SMAD1: variants seen among roughly 807,000 people sequenced by gnomAD.
The protein encoded by SMAD1 is MAD, mothers against decapentaplegic homolog 1.
In SMAD1, 6 loss-of-function variants were observed where a neutral mutation model predicts 41.6. That is an observed-to-expected ratio of 0.14 (90% CI 0.08 to 0.28). The LOEUF (loss-of-function observed/expected upper bound fraction) is 0.28, where lower values mean the gene tolerates loss of function less well. Ranked by LOEUF, SMAD1 falls within the 10% of genes least tolerant of loss-of-function variation. The pLI, the probability that SMAD1 is intolerant of heterozygous loss-of-function variation, is 1.00. For synonymous variants in SMAD1, 206 were observed against 203.2 expected, an observed-to-expected ratio of 1.01 and a Z score of -0.12; for missense variants, 379 against 582.6, an observed-to-expected ratio of 0.65 and a Z score of 3.60.
Position 145,488,772 on chromosome 4 carries a change from T to A in SMAD1, c.-177+6734T>A, listed in dbSNP as rs191448677. ...TTGCTGCAGTATTGTAATAAGTATA[T>A]GCTTCATTTATTCCCTGAATATTTA... On this transcript the variant is annotated intron_variant, in intron 1 of 6. Transcript: ENST00000302085. Among the ~76,000 whole-genome samples the A allele has an allele frequency of 7.2e-4, 109 of 152,338 alleles. No homozygotes were observed. The Middle Eastern group carries it at 0.014, about 19-fold the overall frequency.
upstream of SMAD1, chr4:145,481,840 C>A (rs1728190378): frequency 6.1e-6 from 1 of 163,076 alleles, no homozygotes; most frequent in South Asian, 1.6e-4. Flanking sequence ...GACTCCCTGA[C>A]GCCAGCGCGA....
intron 2 of SMAD1, among the ~76,000 whole-genome samples, chr4:145,533,253 G>A (rs192610398): frequency 1.6e-4 from 25 of 152,252 alleles, no homozygotes; most frequent in Admixed American, 1.2e-3. Flanking sequence ...ATTAGTCATC[G>A]CTTATAGTTA....
At position 145,482,142 on chromosome 4, in the gene SMAD1, CG is replaced by C. The variant is rs1411171373; in HGVS notation, c.-177+105del. 2 of 149,846 alleles carry C rather than the reference CG, an allele frequency of 1.3e-5. No homozygotes were observed. Among genetic ancestry groups the C allele is most frequent in the Non-Finnish European group, 3.0e-5 (2 of 67,332 alleles). The allele number at this position is 149,846 out of a possible 1,614,324, so 9.3% of individuals were successfully genotyped here. On this transcript the variant is annotated intron_variant, in intron 1 of 6. Transcript: ENST00000302085. The surrounding 1 kb of genome is among the most constrained non-coding windows in gnomAD (Gnocchi z 4.2). ...GCGCCGCCGCCGCCGTCTCTGCACG[CG>C]TGGGGCCGCCGCGGTCGTGCTGGGC...
intron 2 of SMAD1, among the ~76,000 whole-genome samples, chr4:145,539,081 T>G (rs902188517): frequency 1.6e-4 from 25 of 152,206 alleles, no homozygotes; most frequent in African/African-American, 5.3e-4. Context: ...GAGTTTTCAG[T>G]TAGCAAAATG....
chr4:145,547,260 C>T (rs1323558055), intron 5 of SMAD1, among the ~76,000 whole-genome samples: 1 of 151,874 alleles, frequency 6.6e-6, no homozygotes, highest in Non-Finnish European at 1.5e-5. Context: ...CAGTTAATTG[C>T]TTAATTGTAT....
At chr4:145,539,057 C>T (rs17020297) in intron 2 of SMAD1, among the ~76,000 whole-genome samples, 3,594 of 152,178 alleles carry the variant, frequency 0.024, 82 homozygotes, top group African/African-American at 0.056. Flanking sequence ...CCTATTGGGC[C>T]GCCTTTGTAC....
rs1488137783 is a variant in SMAD1, at chr4:145,558,685, C to A, written c.*751C>A. Among the ~76,000 whole-genome samples the A allele has an allele frequency of 7.7e-6, 1 of 129,682 alleles. No individual in the cohort carries two copies. The highest frequency in any genetic ancestry group is 1.6e-5 in the Non-Finnish European group (1 of 63,676). 85.1% of individuals were successfully genotyped at this position (129,682 alleles called of 152,430 possible). Reference sequence around the variant, plus strand: ...GTTGCTTTAAAGAAACAAACTGATACCTGAATTTTGCTGTGTTTCCATTTT... The same window carrying A: ...GTTGCTTTAAAGAAACAAACTGATAACTGAATTTTGCTGTGTTTCCATTTT... On this transcript the variant is annotated 3_prime_UTR_variant, in exon 7 of 7. Transcript: ENST00000302085.
chr4:145,525,144 A>T (rs534532847), intron 2 of SMAD1, among the ~76,000 whole-genome samples: 2 of 152,326 alleles, frequency 1.3e-5, no homozygotes, highest in African/African-American at 4.8e-5. Flanking sequence ...TCTCAGGCTG[A>T]TTAATTTGGT....
chr4:145,511,457 A>G (rs1730073134), intron 1 of SMAD1, among the ~76,000 whole-genome samples: 2 of 152,052 alleles, frequency 1.3e-5, no homozygotes, highest in Admixed American at 1.3e-4. Context: ...CTTTTTGTAG[A>G]GATAGGGTCT....
chr4:145,542,558 A>G (rs1228491138), intron 3 of SMAD1, 24 bp from the exon 4 acceptor site: 1 of 1,441,824 alleles, frequency 6.9e-7, no homozygotes, highest in South Asian at 1.2e-5. Context: ...GGGTTAAGAA[A>G]TAACTTCTTT....
intron 1 of SMAD1, chr4:145,484,497 A>T (rs1728364988): frequency 6.6e-6 from 1 of 152,402 alleles, no homozygotes; most frequent in Non-Finnish European, 1.5e-5. Context: ...GGGGTAGCTA[A>T]GCAGGAGTCT....
At chr4:145,495,012 G>A (rs936043254) in intron 1 of SMAD1, among the ~76,000 whole-genome samples, 3 of 152,174 alleles carry the variant, frequency 2.0e-5, no homozygotes, top group Non-Finnish European at 2.9e-5. Context: ...ATAGAAAGCT[G>A]TTGAGGCCTG....
intron 2 of SMAD1, among the ~76,000 whole-genome samples, chr4:145,516,460 T>C (rs1730395180): frequency 6.6e-6 from 1 of 152,190 alleles, no homozygotes; most frequent in Non-Finnish European, 1.5e-5. Flanking sequence ...TTTAGTGCAC[T>C]TTTAAGTTTC....
chr4:145,550,340 C>T (rs1477767264), intron 5 of SMAD1, among the ~76,000 whole-genome samples: 2 of 151,954 alleles, frequency 1.3e-5, no homozygotes, highest in Non-Finnish European at 2.9e-5. Context: ...TGGTGGAACC[C>T]GGGTCTCTAC....
At chr4:145,524,195 T>G (rs1306842325) in intron 2 of SMAD1, among the ~76,000 whole-genome samples, 3 of 152,222 alleles carry the variant, frequency 2.0e-5, no homozygotes, top group Non-Finnish European at 4.4e-5. Context: ...GGTTGATAAT[T>G]TTATTATTTT....
At chr4:145,516,258 A>T (rs1166453892) in intron 2 of SMAD1, among the ~76,000 whole-genome samples, 4 of 152,172 alleles carry the variant, frequency 2.6e-5, no homozygotes, top group African/African-American at 4.8e-5. Flanking sequence ...TTATATATTT[A>T]AAAATGTTAC....
At chr4:145,485,051 G>T (rs767246813) in intron 1 of SMAD1, among the ~76,000 whole-genome samples, 2 of 152,062 alleles carry the variant, frequency 1.3e-5, no homozygotes, top group African/African-American at 4.8e-5. Context: ...ATAGTCACAC[G>T]TAGCTTTTTT....
intron 2 of SMAD1, among the ~76,000 whole-genome samples, chr4:145,521,336 T>C (rs79104847): frequency 6.6e-6 from 1 of 152,126 alleles, no homozygotes; most frequent in African/African-American, 2.4e-5. Flanking sequence ...ATTTTTTTTT[T>C]AATGTTTTTC....
At chr4:145,496,330 T>G (rs1185774154) in intron 1 of SMAD1, among the ~76,000 whole-genome samples, 4 of 152,280 alleles carry the variant, frequency 2.6e-5, no homozygotes, top group South Asian at 2.1e-4. Context: ...GTTCCTTAAC[T>G]TTTTTTGTGC....
Sources: allele counts gnomAD v4.1 joint callset (sites outside exome capture counted in the v4.1 genomes callset), GRCh38; gene constraint gnomAD v4.1.1; non-coding constraint Gnocchi (gnomAD v3.1); transcripts MANE v1.5; gene names NCBI Gene and HGNC (gene_info 2026-07-23, HGNC 2026-07-21).